AUTS2: variants seen among roughly 807,000 people sequenced by gnomAD.
AUTS2 encodes the protein autism susceptibility gene 2 protein.
Under a neutral mutation model 112.4 loss-of-function variants are expected in AUTS2, and 17 were observed. That is an observed-to-expected ratio of 0.15 (90% CI 0.10 to 0.23). The LOEUF (loss-of-function observed/expected upper bound fraction) is 0.23, where lower values mean the gene tolerates loss of function less well. Ranked by LOEUF, AUTS2 falls within the 10% of genes least tolerant of loss-of-function variation. The probability of loss-of-function intolerance (pLI) is 1.00; values close to 1 mark genes in which losing one functional copy is unlikely to be tolerated. For synonymous variants in AUTS2, 751 were observed against 702.7 expected, an observed-to-expected ratio of 1.07 and a Z score of -1.09; for missense variants, 1,510 against 1,701.6, an observed-to-expected ratio of 0.89 and a Z score of 1.98.
intron 5 of AUTS2, among the ~76,000 whole-genome samples, chr7:70,492,892 T>G (rs1260821311): frequency 6.6e-6 from 1 of 152,228 alleles, no homozygotes; most frequent in Non-Finnish European, 1.5e-5. Context: ...AAAGTGTTTT[T>G]CTCCTTTGCT....
intron 4 of AUTS2, among the ~76,000 whole-genome samples, chr7:70,191,629 C>T (rs1809899458): frequency 6.6e-6 from 1 of 152,176 alleles, no homozygotes; most frequent in South Asian, 2.1e-4. Context: ...ATTCATAATA[C>T]AGTCAGAAGA....
intron 5 of AUTS2, among the ~76,000 whole-genome samples, chr7:70,621,765 A>G (rs1206615645): frequency 6.7e-6 from 1 of 150,218 alleles, no homozygotes; most frequent in Non-Finnish European, 1.5e-5. Context: ...AACACAGTGG[A>G]CCAGTGCTGA....
rs553237394 is a variant in AUTS2 at position 69,921,993 on chromosome 7, G to A, written c.522+22495G>A. Among the ~76,000 whole-genome samples, 5 of 152,138 alleles carry A rather than the reference G, an allele frequency of 3.3e-5. No individual in the cohort carries two copies. The South Asian group carries it at 8.3e-4, about 25-fold the overall frequency. Reference sequence around the variant, plus strand: ...GCAGGAGAATCTCTTGAACCTGGGAGGCAGAGGTTGCAGTGAGCCGAGATC... The same window carrying A: ...GCAGGAGAATCTCTTGAACCTGGGAAGCAGAGGTTGCAGTGAGCCGAGATC... On this transcript the variant is annotated intron_variant, in intron 2 of 18. Coordinates refer to ENST00000342771, the MANE Select transcript of AUTS2 (RefSeq NM_015570.4).
intron 1 of AUTS2, among the ~76,000 whole-genome samples, chr7:69,656,043 G>A (rs973702110): frequency 6.6e-6 from 1 of 152,224 alleles, no homozygotes; most frequent in Non-Finnish European, 1.5e-5. Flanking sequence ...TGATGAGGTG[G>A]TGGCAGGACA....
At chr7:70,698,216 G>A (rs1336985743) in intron 5 of AUTS2, among the ~76,000 whole-genome samples, 3 of 152,088 alleles carry the variant, frequency 2.0e-5, no homozygotes, top group East Asian at 3.8e-4. Context: ...CAAATACCAC[G>A]AAAAACATAA....
chr7:70,654,507 A>G (rs772308126), intron 5 of AUTS2, among the ~76,000 whole-genome samples: 12 of 152,196 alleles, frequency 7.9e-5, no homozygotes, highest in Non-Finnish European at 1.3e-4. Flanking sequence ...TTTTAATTGT[A>G]TTAATGGCAT....
chr7:69,692,614 A>G (rs1797397331), intron 1 of AUTS2, among the ~76,000 whole-genome samples: 1 of 152,142 alleles, frequency 6.6e-6, no homozygotes, highest in Non-Finnish European at 1.5e-5. Context: ...ACTTTTCCTG[A>G]GGGGAAATGG....
intron 5 of AUTS2, among the ~76,000 whole-genome samples, chr7:70,658,467 G>A (rs769977391): frequency 6.6e-6 from 1 of 152,188 alleles, no homozygotes; most frequent in Non-Finnish European, 1.5e-5. Flanking sequence ...AGCCCCTCAC[G>A]GGGCTGATCC....
rs890642143 is a variant in AUTS2 at position 70,394,054 on chromosome 7, G to T, written c.661-41698G>T. ...ATTGCCTGGTAGCTGTCTCCCTGAA[G>T]GTTTTACCAGTTGTTTTGGAAGGCT... On this transcript the variant is annotated intron_variant, in intron 4 of 18. Transcript: ENST00000342771. 2.6e-5 allele frequency among the ~76,000 whole-genome samples: 4 copies of T among 152,260 alleles called. No individual in the cohort carries two copies. In the South Asian group the frequency reaches 8.3e-4, roughly 32 times the overall value.
intron 3 of AUTS2, among the ~76,000 whole-genome samples, chr7:70,128,005 C>T (rs1241320299): frequency 4.8e-5 from 7 of 146,612 alleles, no homozygotes; most frequent in Admixed American, 4.7e-4. Flanking sequence ...TGACCAGCTA[C>T]TGTTAAGGAG....
intron 5 of AUTS2, among the ~76,000 whole-genome samples, chr7:70,555,577 G>A (rs1801212052): frequency 6.6e-6 from 1 of 152,242 alleles, no homozygotes; most frequent in South Asian, 2.1e-4. Context: ...TTTGCAGAGT[G>A]GCCTTCTAGT....
At chr7:69,770,710 T>C (rs897504483) in intron 1 of AUTS2, among the ~76,000 whole-genome samples, 1 of 152,162 alleles carries the variant, frequency 6.6e-6, no homozygotes, top group African/African-American at 2.4e-5. Context: ...AGGGACCTAC[T>C]AGAGGACAAC....
At chr7:69,698,221 A>C (rs780740267) in intron 1 of AUTS2, among the ~76,000 whole-genome samples, 1 of 152,198 alleles carries the variant, frequency 6.6e-6, no homozygotes, top group African/African-American at 2.4e-5. Flanking sequence ...TATGCGAAAA[A>C]TTGAGTGACA....
intron 2 of AUTS2, among the ~76,000 whole-genome samples, chr7:69,926,701 C>T (rs1259311631): frequency 6.7e-6 from 1 of 149,554 alleles, no homozygotes; most frequent in African/African-American, 2.5e-5. Context: ...TCTTTTGTTC[C>T]CATATTAGCT....
At chr7:70,080,409 C>G (rs1389030096) in intron 2 of AUTS2, among the ~76,000 whole-genome samples, 1 of 152,172 alleles carries the variant, frequency 6.6e-6, no homozygotes, top group Non-Finnish European at 1.5e-5. Flanking sequence ...CAAAACTACA[C>G]TCATTCTTCA....
At chr7:70,241,294 G>A (rs1231081448) in intron 4 of AUTS2, among the ~76,000 whole-genome samples, 3 of 151,944 alleles carry the variant, frequency 2.0e-5, no homozygotes, top group Admixed American at 6.6e-5. Flanking sequence ...AACACAAATC[G>A]TTTTGATTTT....
At chr7:69,643,015 A>C (rs1794859677) in intron 1 of AUTS2, among the ~76,000 whole-genome samples, 1 of 152,124 alleles carries the variant, frequency 6.6e-6, no homozygotes, top group Admixed American at 6.5e-5. Flanking sequence ...TACACGCTTG[A>C]CTATGGAAGC....
intron 2 of AUTS2, among the ~76,000 whole-genome samples, chr7:69,985,796 G>A (rs757049877): frequency 6.7e-6 from 1 of 150,052 alleles, no homozygotes; most frequent in Non-Finnish European, 1.5e-5. Flanking sequence ...CTTGCTCTGT[G>A]GCCCAGGCTG....
intron 4 of AUTS2, among the ~76,000 whole-genome samples, chr7:70,135,900 C>T (rs1034226695): frequency 2.0e-5 from 3 of 152,140 alleles, no homozygotes; most frequent in East Asian, 1.9e-4. Context: ...CTGGAGACTG[C>T]GATATCTATT....
Sources: allele counts gnomAD v4.1 joint callset (sites outside exome capture counted in the v4.1 genomes callset), GRCh38; gene constraint gnomAD v4.1.1; transcripts MANE v1.5; gene names NCBI Gene and HGNC (gene_info 2026-07-23, HGNC 2026-07-21).